HMCN1: variants seen among roughly 807,000 people sequenced by gnomAD.
The protein encoded by HMCN1 is hemicentin 1.
In HMCN1, 321 loss-of-function variants were observed where a neutral mutation model predicts 625.9. That is an observed-to-expected ratio of 0.51 (90% CI 0.47 to 0.56). The LOEUF (loss-of-function observed/expected upper bound fraction) is 0.56. HMCN1 is among the 20% of genes least tolerant of loss of function. HMCN1 has a pLI of 0.00. For synonymous variants in HMCN1, 2,425 were observed against 2,417.6 expected, an observed-to-expected ratio of 1.00 and a Z score of -0.09; for missense variants, 6,588 against 6,887.3, an observed-to-expected ratio of 0.96 and a Z score of 1.54.
At chr1:185,794,509 A>G (rs1658229463) in intron 1 of HMCN1, among the ~76,000 whole-genome samples, 4 of 151,682 alleles carry the variant, frequency 2.6e-5, no homozygotes, top group Admixed American at 2.6e-4. Context: ...AAGAAAAAAA[A>G]GAGAACTTGG....
intron 30 of HMCN1, among the ~76,000 whole-genome samples, chr1:186,009,179 A>G (rs1653829246): frequency 6.6e-6 from 1 of 152,072 alleles, no homozygotes; most frequent in Admixed American, 6.6e-5. Context: ...GCACTATTGT[A>G]TTTTTGCCAG....
intron 1 of HMCN1, among the ~76,000 whole-genome samples, chr1:185,840,100 C>T (rs757970778): frequency 6.6e-6 from 1 of 152,100 alleles, no homozygotes; most frequent in African/African-American, 2.4e-5. Context: ...AGTCAGGAAA[C>T]AGTTCTGCAT....
chr1:186,048,586 G>A (rs1656730827), intron 41 of HMCN1, among the ~76,000 whole-genome samples, 157 bp from the exon 42 acceptor site: 2 of 152,036 alleles, frequency 1.3e-5, no homozygotes, highest in Non-Finnish European at 2.9e-5. Flanking sequence ...TTGAAACTGG[G>A]TGATGGGTAT....
At position 185,844,427 on chromosome 1, in the gene HMCN1, C is replaced by T. The variant is rs547461522; in HGVS notation, c.269-1599C>T. On this transcript the variant is annotated intron_variant, in intron 1 of 106. Coordinates refer to ENST00000271588, the MANE Select transcript of HMCN1 (RefSeq NM_031935.3). The stretch of plus-strand genomic sequence containing the variant: ...GGGTTATGGCAGACAAATTGTACCT[C>T]CTTTCCAATTTGTCTCATTTATTTT... Among the ~76,000 whole-genome samples the T allele has an allele frequency of 9.2e-5, 14 of 152,258 alleles. No individual in the cohort carries two copies. In the South Asian group the frequency reaches 1.9e-3, roughly 20 times the overall value.
In HMCN1 at chr1:186,055,381, T is replaced by C; in HGVS notation, c.6863-12T>C. ...CCTCTTTTGTTTCTTTTTATCTTCC[T>C]CCAACCCTCAGTTAGACCAACCATA... On this transcript the variant is annotated splice_polypyrimidine_tract_variant and intron_variant, in intron 44 of 106. Transcript: ENST00000271588. 6.2e-7 allele frequency: 1 copy of C among 1,611,928 alleles called. No homozygotes were observed. Among genetic ancestry groups the C allele is most frequent in the Non-Finnish European group, 8.5e-7 (1 of 1,178,500 alleles).
intron 1 of HMCN1, among the ~76,000 whole-genome samples, chr1:185,755,629 A>G (rs1655085946): frequency 6.6e-6 from 1 of 152,172 alleles, no homozygotes; most frequent in South Asian, 2.1e-4. Context: ...GTATCACTCC[A>G]TCAGCTAACT....
Position 185,797,934 on chromosome 1 carries a change from C to A in HMCN1, c.269-48092C>A, listed in dbSNP as rs576422188. 8.6e-4 allele frequency among the ~76,000 whole-genome samples: 108 copies of A among 125,854 alleles called. 7 individuals carry two copies. The highest frequency in any genetic ancestry group is 3.4e-3 in the African/African-American group (106 of 31,522). 82.6% of individuals were successfully genotyped at this position (125,854 alleles called of 152,430 possible). ...TGAGCCGAGATCCCGCCACTGCACT[C>A]CAGCCTGGGCGACAGAGCGAGACTC... is the stretch of plus-strand genomic sequence containing the variant. On this transcript the variant is annotated intron_variant, in intron 1 of 106. Transcript: ENST00000271588.
At chr1:186,167,154 G>A (rs1243321557) in intron 100 of HMCN1, among the ~76,000 whole-genome samples, 1 of 152,152 alleles carries the variant, frequency 6.6e-6, no homozygotes, top group Admixed American at 6.5e-5. Context: ...TTCTTCATAA[G>A]CTTTTATTCA....
At chr1:185,906,792 C>G (rs1263588688) in intron 4 of HMCN1, among the ~76,000 whole-genome samples, 1 of 151,416 alleles carries the variant, frequency 6.6e-6, no homozygotes, top group African/African-American at 2.4e-5. Flanking sequence ...TCATTTATGA[C>G]CAGATTATGT....
At chr1:185,985,029 T>A (rs1048066826) in intron 19 of HMCN1, among the ~76,000 whole-genome samples, 5 of 152,202 alleles carry the variant, frequency 3.3e-5, no homozygotes, top group Non-Finnish European at 7.3e-5. Flanking sequence ...AAATACTTAT[T>A]TTTAGTAGTT....
At chr1:185,762,839 A>G (rs1486465468) in intron 1 of HMCN1, among the ~76,000 whole-genome samples, 1 of 152,200 alleles carries the variant, frequency 6.6e-6, no homozygotes, top group Non-Finnish European at 1.5e-5. Flanking sequence ...TTTAACACTG[A>G]TGATGTTTAT....
At chr1:186,054,270 AG>A (rs1168508624) in intron 44 of HMCN1, among the ~76,000 whole-genome samples, 1 of 151,910 alleles carries the variant, frequency 6.6e-6, no homozygotes, top group African/African-American at 2.4e-5. Context: ...TGGAGGGGGA[AG>A]GGGGAGCATT....
intron 1 of HMCN1, among the ~76,000 whole-genome samples, chr1:185,805,441 T>G (rs186364987): frequency 6.6e-6 from 1 of 152,146 alleles, no homozygotes; most frequent in Non-Finnish European, 1.5e-5. Flanking sequence ...AACATTTAGG[T>G]AGAGATGACA....
At chr1:185,820,430 A>G (rs1660116114) in intron 1 of HMCN1, among the ~76,000 whole-genome samples, 1 of 152,156 alleles carries the variant, frequency 6.6e-6, no homozygotes, top group Non-Finnish European at 1.5e-5. Flanking sequence ...TCTTCAAAAT[A>G]AGAAGCTGAG....
At chr1:185,952,427 T>C (rs1389307179) in intron 11 of HMCN1, among the ~76,000 whole-genome samples, 1 of 151,260 alleles carries the variant, frequency 6.6e-6, no homozygotes, top group Admixed American at 6.6e-5. Context: ...ACGCTTGGGG[T>C]TGGTACTGAG....
At chr1:185,866,549 C>T (rs940676758) in intron 4 of HMCN1, among the ~76,000 whole-genome samples, 6 of 151,516 alleles carry the variant, frequency 4.0e-5, no homozygotes, top group Admixed American at 6.6e-5. Context: ...GGACTACAGG[C>T]GCCCACCACC....
chr1:186,079,314 C>G (rs546357511), intron 55 of HMCN1, among the ~76,000 whole-genome samples: 10 of 152,288 alleles, frequency 6.6e-5, no homozygotes, highest in Admixed American at 4.6e-4. Flanking sequence ...TGGGGACGAG[C>G]TGGTTCCTGC....
chr1:186,100,485 AG>A (rs1371387751), intron 68 of HMCN1, among the ~76,000 whole-genome samples: 1 of 152,142 alleles, frequency 6.6e-6, no homozygotes, highest in Non-Finnish European at 1.5e-5. Flanking sequence ...ATTACAAAAT[AG>A]GGGGTTTTCA....
intron 11 of HMCN1, among the ~76,000 whole-genome samples, chr1:185,947,483 A>G (rs1325403689): frequency 6.6e-6 from 1 of 152,258 alleles, no homozygotes; most frequent in African/African-American, 2.4e-5. Context: ...ACTTACTGCA[A>G]CTGCCACATT....
Sources: gnomAD v4.1 joint callset for allele counts (sites outside exome capture counted in the v4.1 genomes callset) on GRCh38, gnomAD v4.1.1 for gene constraint, MANE v1.5 for transcripts, NCBI Gene and HGNC (gene_info 2026-07-23, HGNC 2026-07-21) for gene names.